Variants in ACP5 observed in about 807,000 individuals in gnomAD.
ACP5 encodes tartrate-resistant acid phosphatase type 5.
A neutral mutation model predicts 28.7 loss-of-function variants in ACP5; 24 were observed. The ratio of observed to expected loss-of-function variants is 0.84; its 90% confidence interval spans 0.61 to 1.18. The LOEUF (loss-of-function observed/expected upper bound fraction) is 1.18. ACP5 is among the 50% of genes most tolerant of loss of function. The pLI is 0.00. For synonymous variants in ACP5, 154 were observed against 181.4 expected, an observed-to-expected ratio of 0.85 and a Z score of 1.21; for missense variants, 354 against 422.2, an observed-to-expected ratio of 0.84 and a Z score of 1.42.
rs764042654 is a variant in ACP5 at position 11,575,170 on chromosome 19, T to C, written c.818A>G (p.Lys273Arg). 1 of 1,614,156 alleles carries C rather than the reference T, an allele frequency of 6.2e-7. No homozygotes were observed. The highest frequency in any genetic ancestry group is 8.5e-7 in the Non-Finnish European group (1 of 1,180,042). The change falls in exon 5 of 5, where the codon AAG becomes AGG. Residue 273 changes from lysine to arginine, a missense_variant. By Grantham distance (26) the Lys-to-Arg change is conservative (BLOSUM62 2). Transcript: ENST00000648477. ...GAAGCGCAGATAGCCGTTGGGGACC[T>C]TGCGCTGGTGCCGCTTTGAGGGGTC... is the stretch of plus-strand genomic sequence containing the variant. ...FMDPSKRHQR[K>R]VPNGYLRFHY...
Position 11,575,085 on chromosome 19 carries a change from C to A in ACP5, c.903G>T (p.Glu301Asp). ...AGGCCTCGATGTAAGTGACAGTCAT[C>A]TCTTTGGAGCTGATCTCCACATAGG... The part of the protein sequence containing the change: ...GFAYVEISSK[E>D]MTVTYIEASG... The change falls in exon 5 of 5, where the codon GAG (glutamate) becomes GAT (aspartate). Residue 301 changes from glutamate to aspartate, a missense_variant. Transcript: ENST00000648477. 6.2e-7 allele frequency: 1 copy of A among 1,614,214 alleles called. No individual in the cohort carries two copies. The highest frequency in any genetic ancestry group is 1.1e-5 in the South Asian group (1 of 91,086).
intron 3 of ACP5, 47 bp from the exon 4 acceptor site, chr19:11,576,635 T>C: frequency 1.2e-6 from 2 of 1,613,186 alleles, no homozygotes; most frequent in Non-Finnish European, 1.7e-6. Flanking sequence ...GGCGCAGAAG[T>C]CCCAGGGTCA....
upstream of ACP5, chr19:11,577,750 T>G: frequency 2.6e-5 from 7 of 266,050 alleles, no homozygotes; most frequent in Non-Finnish European, 3.7e-5. This position sits in a 1 kb window ranked among gnomAD's most constrained non-coding sequence, Gnocchi z 5.7. Context: ...GCCCTCCCCT[T>G]GGGTCATGTG....
Position 11,577,218 on chromosome 19 carries a change from A to T in ACP5, c.100T>A (p.Trp34Arg). 6.2e-7 allele frequency: 1 copy of T among 1,614,124 alleles called. No homozygotes were observed. The highest frequency in any genetic ancestry group is 1.1e-5 in the South Asian group (1 of 91,086). The change falls in exon 2 of 5, where the codon TGG (tryptophan) becomes AGG (arginine). Residue 34 changes from tryptophan (W) to arginine (R), a missense_variant. By Grantham distance (101) the Trp-to-Arg change is moderately radical. Transcript: ENST00000648477. The surrounding 1 kb of genome is among the most constrained non-coding windows in gnomAD (Gnocchi z 5.7). ...PALRFVAVGD[W>R]GGVPNAPFHT... ...AATGGGGCATTGGGGACCCCTCCCC[A>T]GTCACCCACGGCTACAAAGCGCAGG... is the stretch of plus-strand genomic sequence containing the variant.
Position 11,576,595 on chromosome 19 carries a change from A to G in ACP5, c.390-7T>C, listed in dbSNP as rs1483263181. ...GAAAGGGCTGGGGAAGTTCCTGTGG[A>G]GGGGATAGAGGTCGTGGGTGCACAT... is the stretch of plus-strand genomic sequence containing the variant. On this transcript the variant is annotated splice_polypyrimidine_tract_variant and splice_region_variant and intron_variant, in intron 3 of 4. Coordinates refer to ENST00000648477, the MANE Select transcript of ACP5 (RefSeq NM_001611.5). 3 of 1,613,374 alleles carry G rather than the reference A, an allele frequency of 1.9e-6. No individual in the cohort carries two copies. The East Asian group carries it at 6.7e-5, about 36-fold the overall frequency.
chr19:11,577,379 AC>A lies in ACP5; in HGVS notation c.1-63del. 6.4e-7 allele frequency: 1 copy of A among 1,564,296 alleles called. No individual in the cohort carries two copies. The highest frequency in any genetic ancestry group is 1.2e-5 in the South Asian group (1 of 86,502). ...GTGACAAGGGCAGGGAGGCCTTGAG[AC>A]CCCCGCCTGCCCTGAGATAGAGGGA... On this transcript the variant is annotated intron_variant, in intron 1 of 4. Transcript: ENST00000648477. The surrounding 1 kb of genome is among the most constrained non-coding windows in gnomAD (Gnocchi z 5.7).
At chr19:11,576,666 G>A in intron 3 of ACP5, 50 bp downstream of exon 3, 1 of 1,613,998 alleles carries the variant, frequency 6.2e-7, no homozygotes, top group South Asian at 1.1e-5. Flanking sequence ...CAGGGCCCCT[G>A]TGTCCCTGCT....
chr19:11,577,524 G>A lies in ACP5; in HGVS notation c.-1+69C>T, dbSNP rs776011405. On this transcript the variant is annotated intron_variant, in intron 1 of 4. Coordinates refer to ENST00000648477, the MANE Select transcript of ACP5 (RefSeq NM_001611.5). The surrounding 1 kb of genome is among the most constrained non-coding windows in gnomAD (Gnocchi z 5.7). ...GAAGGGGGGCGCGGTCTGTGAGAGG[G>A]CGAGCTGTACCAAGATGGCCCTGCA... 3.1e-6 allele frequency: 2 copies of A among 643,148 alleles called. No homozygotes were observed. The highest frequency in any genetic ancestry group is 2.8e-6 in the Non-Finnish European group (1 of 360,970). The allele number at this position is 643,148 out of a possible 1,614,324, so 39.8% of individuals were successfully genotyped here. A position where few individuals can be genotyped will look rare whatever the true frequency, so the allele number is the denominator to read the frequency against.
At position 11,577,588 on chromosome 19, in the gene ACP5, CTCACCCAGGGGGAGACACAGGCCAG is replaced by C. The variant is rs1973221543; in HGVS notation, c.-21_-1+4del. ...CTCCTTCCACCTAGCCTGCCCAGCA[CTCACCCAGGGGGAGACACAGGCCAG>C]TCACCGGAGGCTCTGAGAGGCTGGT... On this transcript the variant is annotated splice_donor_variant and splice_donor_region_variant and 5_prime_UTR_variant and intron_variant, in exon 1 of 5. Coordinates refer to ENST00000648477, the MANE Select transcript of ACP5 (RefSeq NM_001611.5). LOFTEE classifies it low-confidence loss of function (5UTR_SPLICE). The surrounding 1 kb of genome is among the most constrained non-coding windows in gnomAD (Gnocchi z 5.7). 7.3e-5 allele frequency: 41 copies of C among 559,022 alleles called. 1 individual carries two copies. The South Asian group carries it at 7.7e-4, about 11-fold the overall frequency. The allele number at this position is 559,022 out of a possible 1,614,324, so 34.6% of individuals were successfully genotyped here.
rs768373843 is a variant in ACP5, at chr19:11,577,066, C to T, written c.252G>A (p.Lys84=). 1 of 1,614,174 alleles carries T rather than the reference C, an allele frequency of 6.2e-7. No individual in the cohort carries two copies. Among genetic ancestry groups the T allele is most frequent in the Non-Finnish European group, 8.5e-7 (1 of 1,180,014 alleles). ...TCTGTTGGGCACAGACCTGGAACCT[C>T]TTGTCATTGATGTCTTGCACACCAG... is the stretch of plus-strand genomic sequence containing the variant. ...YFTGVQDIND[K]RFQETFEDVF... Residue 84 remains lysine, a synonymous_variant, in exon 2 of 5, where the codon AAG becomes AAA. Coordinates refer to ENST00000648477, the MANE Select transcript of ACP5 (RefSeq NM_001611.5). This position sits in a 1 kb window ranked among gnomAD's most constrained non-coding sequence, Gnocchi z 5.7.
At chr19:11,578,935 G>T (rs1053097311), upstream of ACP5, 1 of 152,206 alleles carries the variant, frequency 6.6e-6, no homozygotes, top group Non-Finnish European at 1.5e-5. Flanking sequence ...AGCAGGCAGC[G>T]GCCGATCCGC....
intron 3 of ACP5, 51 bp downstream of exon 3, chr19:11,576,665 T>G (rs1270789605): frequency 9.9e-6 from 16 of 1,613,828 alleles, no homozygotes; most frequent in Non-Finnish European, 1.4e-5. Flanking sequence ...ACAGGGCCCC[T>G]GTGTCCCTGC....
rs746137618 is a variant in ACP5 at position 11,577,172 on chromosome 19, G to T, written c.146C>A (p.Ala49Asp). Reference sequence around the variant, plus strand: ...AGTCCGAGCGATCTCCTTGGCATTGGCCATTTCCCGGGCCGTGTGGAATGG... The same window carrying T: ...AGTCCGAGCGATCTCCTTGGCATTGTCCATTTCCCGGGCCGTGTGGAATGG... Reference protein sequence around the residue: ...NAPFHTAREMANAKEIARTVQ... With the variant: ...NAPFHTAREMDNAKEIARTVQ... The change falls in exon 2 of 5, where the codon GCC (alanine) becomes GAC (aspartate). Residue 49 changes from alanine (A) to aspartate (D), a missense_variant. Transcript: ENST00000648477. The surrounding 1 kb of genome is among the most constrained non-coding windows in gnomAD (Gnocchi z 5.7). The T allele has an allele frequency of 1.9e-6, 3 of 1,614,160 alleles. No homozygotes were observed. Among genetic ancestry groups the T allele is most frequent in the African/African-American group, 2.7e-5 (2 of 75,044 alleles).
chr19:11,576,709 G>T lies in ACP5; in HGVS notation c.389+7C>A. On this transcript the variant is annotated splice_region_variant and intron_variant, in intron 3 of 4. Transcript: ENST00000648477. ...GATCTCGGAAGGCAGGGCTGAGGGT[G>T]GCTCACCAGCGCTTGGAGATCTTAG... 6.2e-7 allele frequency: 1 copy of T among 1,613,350 alleles called. No individual in the cohort carries two copies. Among genetic ancestry groups the T allele is most frequent in the South Asian group, 1.1e-5 (1 of 90,982 alleles).
upstream of ACP5, chr19:11,578,071 C>G (rs183467901): frequency 3.5e-3 from 536 of 155,000 alleles, 5 homozygotes; most frequent in Middle Eastern, 0.01. Flanking sequence ...GCTGAGCATG[C>G]CTACCTGGGC....
Position 11,576,568 on chromosome 19 carries a change from T to C in ACP5, c.410A>G (p.Tyr137Cys), listed in dbSNP as rs760044774. Residue 137 changes from tyrosine (Y) to cysteine (C), a missense_variant, in exon 4 of 5, where the codon TAC (tyrosine) becomes TGC (cysteine). Transcript: ENST00000648477. ...SKRWNFPSPFYRLHFKIPQTN... is the reference protein window; with the variant it reads ...SKRWNFPSPFCRLHFKIPQTN... ...CTGTGGGATCTTGAAGTGCAGGCGG[T>C]AGAAAGGGCTGGGGAAGTTCCTGTG... is the stretch of plus-strand genomic sequence containing the variant. 11 of 1,613,396 alleles carry C rather than the reference T, an allele frequency of 6.8e-6. No homozygotes were observed. The Admixed American group carries it at 1.8e-4, about 27-fold the overall frequency.
Position 11,576,230 on chromosome 19 carries a change from A to T in ACP5, c.735+13T>A, listed in dbSNP as rs747299112. 3 of 1,595,968 alleles carry T rather than the reference A, an allele frequency of 1.9e-6. No individual in the cohort carries two copies. Among genetic ancestry groups the T allele is most frequent in the Non-Finnish European group, 2.6e-6 (3 of 1,174,588 alleles). ...CCCTCACCCAGCTCCCACCCCACCCACAGGGCCCTCACCTGCAGATTGTGA... is the reference window on the plus strand; with the variant it reads ...CCCTCACCCAGCTCCCACCCCACCCTCAGGGCCCTCACCTGCAGATTGTGA... On this transcript the variant is annotated intron_variant, in intron 4 of 4. Coordinates refer to ENST00000648477, the MANE Select transcript of ACP5 (RefSeq NM_001611.5).
intron 4 of ACP5, among the ~76,000 whole-genome samples, chr19:11,575,750 G>A (rs112601005): frequency 0.034 from 5,157 of 151,796 alleles, 308 homozygotes; most frequent in African/African-American, 0.12. Context: ...CCAGCTACTT[G>A]GGAGGCTGAG....
intron 3 of ACP5, 55 bp downstream of exon 3, chr19:11,576,652 GCCACAGGGC>G: frequency 6.2e-7 from 1 of 1,613,496 alleles, no homozygotes. Flanking sequence ...GTCAGCTCAA[GCCACAGGGC>G]CCCTGTGTCC....
Sources: gnomAD v4.1 joint callset for allele counts (sites outside exome capture counted in the v4.1 genomes callset) on GRCh38, gnomAD v4.1.1 for gene constraint, Gnocchi (gnomAD v3.1) non-coding constraint, MANE v1.5 for transcripts, NCBI Gene and HGNC (gene_info 2026-07-23, HGNC 2026-07-21) for gene names.